Variants in MACROD2 observed in about 807,000 individuals in gnomAD.
MACROD2 encodes the protein ADP-ribose glycohydrolase MACROD2.
Under a neutral mutation model 70.4 loss-of-function variants are expected in MACROD2, and 36 were observed. That is an observed-to-expected ratio of 0.51 (90% CI 0.39 to 0.68). The LOEUF is 0.68. Ranked by LOEUF, MACROD2 falls within the 30% of genes least tolerant of loss-of-function variation. The pLI is 0.00. For synonymous variants in MACROD2, 172 were observed against 178.8 expected (o/e 0.96, Z 0.30); for missense variants, 496 against 538.4 (o/e 0.92, Z 0.78).
chr20:14,645,031 G>T (rs1339763533), intron 4 of MACROD2, among the ~76,000 whole-genome samples: 1 of 152,098 alleles, frequency 6.6e-6, no homozygotes, highest in Admixed American at 6.6e-5. Context: ...TTGCACAGGG[G>T]TAATGATTAT....
intron 8 of MACROD2, among the ~76,000 whole-genome samples, chr20:15,548,615 T>C (rs2048055829): frequency 6.6e-6 from 1 of 152,148 alleles, no homozygotes; most frequent in Non-Finnish European, 1.5e-5. Flanking sequence ...AGGCTGGTCC[T>C]GAACTCCTGA....
At chr20:15,467,295 T>G (rs1449865814) in intron 7 of MACROD2, among the ~76,000 whole-genome samples, 2 of 152,260 alleles carry the variant, frequency 1.3e-5, no homozygotes, top group Admixed American at 6.5e-5. Context: ...CCCAGTGGGC[T>G]GTAGCCCTAG....
chr20:15,486,318 T>C (rs922689484), intron 7 of MACROD2, among the ~76,000 whole-genome samples: 4 of 152,168 alleles, frequency 2.6e-5, no homozygotes, highest in African/African-American at 9.7e-5. Flanking sequence ...TTTCCAGGCC[T>C]ACTGTGCACA....
At chr20:15,377,990 C>T (rs530238599) in intron 6 of MACROD2, among the ~76,000 whole-genome samples, 12 of 151,926 alleles carry the variant, frequency 7.9e-5, no homozygotes, top group South Asian at 6.3e-4. Context: ...TGGGGCCTGT[C>T]GGTGGGTGGG....
chr20:14,308,343 A>T (rs909098259), intron 3 of MACROD2, among the ~76,000 whole-genome samples: 7 of 152,160 alleles, frequency 4.6e-5, no homozygotes, highest in African/African-American at 1.7e-4. Context: ...AGTGAGCAGT[A>T]GAATATGAAT....
chr20:15,366,604 A>G (rs950772244), intron 6 of MACROD2, among the ~76,000 whole-genome samples: 4 of 152,084 alleles, frequency 2.6e-5, no homozygotes, highest in Admixed American at 1.3e-4. Context: ...GCTGGGGAGT[A>G]TGGTGGTGCA....
At chr20:15,630,936 G>A (rs2049281714) in intron 8 of MACROD2, among the ~76,000 whole-genome samples, 1 of 152,148 alleles carries the variant, frequency 6.6e-6, no homozygotes, top group African/African-American at 2.4e-5. Flanking sequence ...TTTACCCCAG[G>A]TTAGCTTCAT....
chr20:14,671,964 T>C (rs1221116721), intron 4 of MACROD2, among the ~76,000 whole-genome samples: 1 of 152,232 alleles, frequency 6.6e-6, no homozygotes, highest in Non-Finnish European at 1.5e-5. Context: ...ACTTCAGCTA[T>C]ATTGTTTTTC....
At chr20:15,779,181 C>T (rs1421749716) in intron 8 of MACROD2, among the ~76,000 whole-genome samples, 3 of 152,088 alleles carry the variant, frequency 2.0e-5, no homozygotes, top group African/African-American at 7.2e-5. Flanking sequence ...ATTAATGCCT[C>T]TCTTATTGTT....
At chr20:15,536,064 G>A (rs1417057226) in intron 8 of MACROD2, among the ~76,000 whole-genome samples, 1 of 152,118 alleles carries the variant, frequency 6.6e-6, no homozygotes, top group Non-Finnish European at 1.5e-5. Flanking sequence ...ACTGCAACAG[G>A]CAGCAGGGTC....
chr20:14,008,344 G>C (rs527374680), intron 2 of MACROD2, among the ~76,000 whole-genome samples: 1 of 152,168 alleles, frequency 6.6e-6, no homozygotes, highest in South Asian at 2.1e-4. Flanking sequence ...AGGCCGGGAG[G>C]CAAGTCACAA....
intron 5 of MACROD2, among the ~76,000 whole-genome samples, chr20:15,082,688 A>T (rs1481202932): frequency 2.0e-5 from 3 of 152,106 alleles, no homozygotes; most frequent in Non-Finnish European, 4.4e-5. Context: ...ACCCTTTTGA[A>T]ATTAATGAAG....
intron 8 of MACROD2, among the ~76,000 whole-genome samples, chr20:15,838,624 T>C (rs1351002518): frequency 6.6e-6 from 1 of 152,176 alleles, no homozygotes; most frequent in African/African-American, 2.4e-5. Flanking sequence ...TGACCAGTGT[T>C]GCTACATCAC....
chr20:14,438,507 G>C (rs1051227185), intron 3 of MACROD2, among the ~76,000 whole-genome samples: 1 of 152,158 alleles, frequency 6.6e-6, no homozygotes, highest in African/African-American at 2.4e-5. Context: ...CATAATGGCT[G>C]TAGCAATTTA....
At chr20:15,138,291 T>C (rs1271356337) in intron 5 of MACROD2, among the ~76,000 whole-genome samples, 1 of 152,118 alleles carries the variant, frequency 6.6e-6, no homozygotes, top group Non-Finnish European at 1.5e-5. Flanking sequence ...TTTGCTGAGG[T>C]TGAGAAAGGC....
chr20:14,237,717 C>T (rs1017698821), intron 3 of MACROD2, among the ~76,000 whole-genome samples: 7 of 147,092 alleles, frequency 4.8e-5, no homozygotes, highest in Admixed American at 4.1e-4. Context: ...AAACAGGCCC[C>T]AGAGTGTGAT....
chr20:15,829,492 T>G (rs1160596264), intron 8 of MACROD2, among the ~76,000 whole-genome samples: 2 of 152,142 alleles, frequency 1.3e-5, no homozygotes, highest in South Asian at 4.1e-4. Context: ...TAATGACAAC[T>G]GTGATCTCCT....
intron 6 of MACROD2, among the ~76,000 whole-genome samples, chr20:15,355,192 A>G (rs2078273015): frequency 6.6e-6 from 1 of 152,220 alleles, no homozygotes; most frequent in South Asian, 2.1e-4. Flanking sequence ...GACTCTCTTT[A>G]ATTCAGATGC....
intron 4 of MACROD2, among the ~76,000 whole-genome samples, chr20:14,495,194 TG>T (rs34533880): frequency 0.44 from 67,491 of 151,866 alleles, 16,132 homozygotes; most frequent in African/African-American, 0.63. Flanking sequence ...TTCTGTCTCA[TG>T]TAAAGGTAGT....
Sources: gnomAD v4.1 joint callset for allele counts (sites outside exome capture counted in the v4.1 genomes callset) on GRCh38, gnomAD v4.1.1 for gene constraint, MANE v1.5 for transcripts, NCBI Gene and HGNC (gene_info 2026-07-23, HGNC 2026-07-21) for gene names.